Variants in PSG3 observed in about 807,000 individuals in gnomAD.
PSG3 encodes the protein pregnancy specific beta-1-glycoprotein 3.
PSG3 carries 61 observed loss-of-function variants against 47.5 expected under a neutral mutation model. The observed-to-expected ratio is 1.28, with a 90% CI of 1.05 to 1.59. The LOEUF is 1.59. Among genes scored for constraint, PSG3 ranks in the 40% most tolerant of loss-of-function variants. The pLI is 0.00. For synonymous variants in PSG3, 263 were observed against 198.4 expected (o/e 1.33, Z -2.74); for missense variants, 756 against 524.0 (o/e 1.44, Z -4.32).
Position 42,722,750 on chromosome 19 carries a change from T to C in PSG3, c.*41-660A>G, listed in dbSNP as rs192433776. ...CATAAATAGGGCCAAAAAAGTATAG[T>C]CTTATGTATGTTGAAAAAGGTCCTT... is the stretch of plus-strand genomic sequence containing the variant. On this transcript the variant is annotated intron_variant, in intron 6 of 6. Coordinates refer to ENST00000327495, the MANE Select transcript of PSG3 (RefSeq NM_021016.4). Among the ~76,000 whole-genome samples, 37 of 152,314 alleles carry C rather than the reference T, an allele frequency of 2.4e-4. 1 individual carries two copies. The highest frequency in any genetic ancestry group is 8.4e-4 in the African/African-American group (35 of 41,570).
intron 1 of PSG3, chr19:42,739,451 T>C (rs929793539): frequency 6.9e-5 from 17 of 244,612 alleles, no homozygotes; most frequent in Non-Finnish European, 1.3e-4. Context: ...AGACCCTGGG[T>C]CTTCCCTTTC....
Position 42,739,014 on chromosome 19 carries a change from T to G in PSG3, c.140A>C (p.Lys47Thr). ...GACAAGTAGAAGAACGTCCTTCCCCTTGGAAACTTTGGTTGGCTCGGCTTC... is the reference window on the plus strand; with the variant it reads ...GACAAGTAGAAGAACGTCCTTCCCCGTGGAAACTTTGGTTGGCTCGGCTTC... ...TIEAEPTKVSKGKDVLLLVHN... is the reference protein window; with the variant it reads ...TIEAEPTKVSTGKDVLLLVHN... Residue 47 changes from lysine to threonine, a missense_variant, in exon 2 of 7, where the codon AAG becomes ACG. Physicochemically the swap from Lys to Thr is moderately conservative, Grantham distance 78. Transcript: ENST00000327495. 2 of 1,613,976 alleles carry G rather than the reference T, an allele frequency of 1.2e-6. No individual in the cohort carries two copies. Among genetic ancestry groups the G allele is most frequent in the Non-Finnish European group, 1.7e-6 (2 of 1,179,912 alleles).
chr19:42,731,825 T>C (rs1178676401), intron 3 of PSG3: 1 of 151,448 alleles, frequency 6.6e-6, no homozygotes, highest in Non-Finnish European at 1.5e-5. Context: ...GTTTTCAGGG[T>C]ATAATCATTT....
At chr19:42,730,191 C>T (rs1240190948) in intron 3 of PSG3, 135 bp from the exon 4 acceptor site, 1 of 1,476,510 alleles carries the variant, frequency 6.8e-7, no homozygotes, top group Non-Finnish European at 9.1e-7. Flanking sequence ...GTGCGTGTGT[C>T]ACAAGACAGA....
At position 42,732,594 on chromosome 19, in the gene PSG3, C is replaced by T. The variant is rs1037011884; in HGVS notation, c.709+190G>A. The T allele has an allele frequency of 3.0e-6, 4 of 1,346,304 alleles. No homozygotes were observed. In the African/African-American group the frequency reaches 4.4e-5, roughly 15 times the overall value. The allele number at this position is 1,346,304 out of a possible 1,614,324, so 83.4% of individuals were successfully genotyped here. On this transcript the variant is annotated intron_variant, in intron 3 of 6. Transcript: ENST00000327495. ...GCTGAGTCTCCCATGACAGGAGCAG[C>T]CTCTTTTCTCCTATTGTTGATCAAG...
chr19:42,730,901 G>A (rs1969462486), intron 3 of PSG3, among the ~76,000 whole-genome samples: 1 of 152,212 alleles, frequency 6.6e-6, no homozygotes, highest in South Asian at 2.1e-4. Context: ...TGGAAAGGGT[G>A]GGAATGAACT....
At chr19:42,722,770 G>A (rs773602347) in intron 6 of PSG3, among the ~76,000 whole-genome samples, 39 of 152,072 alleles carry the variant, frequency 2.6e-4, no homozygotes, top group Non-Finnish European at 4.6e-4. Context: ...GTTGAAAAAG[G>A]TCCTTAGGTA....
In PSG3 at chr19:42,731,226, A is replaced by G. The variant is rs547675992; in HGVS notation, c.710-1170T>C. On this transcript the variant is annotated intron_variant, in intron 3 of 6. Coordinates refer to ENST00000327495, the MANE Select transcript of PSG3 (RefSeq NM_021016.4). ...CACACAGATTGAGTATTTCTTATGC[A>G]TAAGACTTAGGACAAAAAGTGTTTT... 9.8e-5 allele frequency among the ~76,000 whole-genome samples: 15 copies of G among 152,352 alleles called. No homozygotes were observed. The East Asian group carries it at 2.7e-3, about 27-fold the overall frequency.
In PSG3 at chr19:42,738,717, C is replaced by T; in HGVS notation, c.430+7G>A. The T allele has an allele frequency of 1.2e-6, 2 of 1,613,382 alleles. No individual in the cohort carries two copies. The highest frequency in any genetic ancestry group is 1.7e-6 in the Non-Finnish European group (2 of 1,179,600). On this transcript the variant is annotated splice_region_variant and intron_variant, in intron 2 of 6. Transcript: ENST00000327495. The stretch of plus-strand genomic sequence containing the variant: ...CCAACACCCAGTGATCACGTGGAGT[C>T]ACTCACGGTATAAGGTGAAGGTGAA...
chr19:42,724,820 T>G (rs576073607), intron 5 of PSG3, among the ~76,000 whole-genome samples: 87 of 152,114 alleles, frequency 5.7e-4, no homozygotes, highest in Admixed American at 4.6e-4. Flanking sequence ...TTTCTTTCTC[T>G]CCCACAAGTA....
chr19:42,727,066 T>C (rs1249050899), intron 5 of PSG3, among the ~76,000 whole-genome samples: 1 of 152,214 alleles, frequency 6.6e-6, no homozygotes, highest in East Asian at 1.9e-4. Context: ...TTGGGAAAGG[T>C]GGATATCCAA....
At chr19:42,727,640 A>G (rs751899644) in intron 5 of PSG3, among the ~76,000 whole-genome samples, 15 of 152,324 alleles carry the variant, frequency 9.8e-5, no homozygotes, top group Non-Finnish European at 1.5e-4. Context: ...TTTCAAGTAG[A>G]TGGAAAAATT....
chr19:42,738,931 G>T lies in PSG3; in HGVS notation c.223C>A (p.Leu75Ile). Residue 75 changes from leucine to isoleucine, a missense_variant, in exon 2 of 7, where the codon CTC (leucine) becomes ATC (isoleucine). Leu to Ile is a conservative substitution (Grantham distance 5). Coordinates refer to ENST00000327495, the MANE Select transcript of PSG3 (RefSeq NM_021016.4). ...ACGTATGATGTAATGTAATGGTAGA[G>T]GTCCTTCATTTGCCCTTTGTACCAG... ...YIWYKGQMKD[L>I]YHYITSYVVD... The T allele has an allele frequency of 6.2e-7, 1 of 1,614,016 alleles. No individual in the cohort carries two copies. Among genetic ancestry groups the T allele is most frequent in the East Asian group, 2.2e-5 (1 of 44,870 alleles).
chr19:42,730,940 T>C (rs964954605), intron 3 of PSG3, among the ~76,000 whole-genome samples: 2 of 152,230 alleles, frequency 1.3e-5, no homozygotes, highest in Admixed American at 1.3e-4. Flanking sequence ...ATGGACCATA[T>C]GTGTTTGATG....
chr19:42,734,056 G>A (rs1969521039), intron 2 of PSG3: 1 of 152,182 alleles, frequency 6.6e-6, no homozygotes, highest in Admixed American at 6.5e-5. Context: ...CCTGATATCA[G>A]TGGATTCCAG....
intron 5 of PSG3, among the ~76,000 whole-genome samples, chr19:42,725,932 T>G (rs148692688): frequency 0.014 from 1,956 of 141,426 alleles, 51 homozygotes; most frequent in African/African-American, 0.056. Flanking sequence ...ATGAAGCGAT[T>G]ACTACCAATT....
At chr19:42,733,234 T>A (rs1226536173) in intron 2 of PSG3, among the ~76,000 whole-genome samples, 172 bp from the exon 3 acceptor site, 2 of 152,052 alleles carry the variant, frequency 1.3e-5, no homozygotes, top group Non-Finnish European at 2.9e-5. Context: ...GGCTCAGAGA[T>A]TGTGAGGCTG....
intron 1 of PSG3, 160 bp from the exon 2 acceptor site, chr19:42,739,249 A>G: frequency 8.0e-7 from 1 of 1,249,210 alleles, no homozygotes; most frequent in African/African-American, 1.5e-5. Flanking sequence ...GCATGTGTAT[A>G]TGTGTTTGTG....
intron 3 of PSG3, chr19:42,731,763 T>C (rs1469373696): frequency 6.6e-6 from 1 of 151,664 alleles, no homozygotes; most frequent in Non-Finnish European, 1.5e-5. Flanking sequence ...GAAAATGAAA[T>C]GTGTTTCCAT....
Sources: allele counts gnomAD v4.1 joint callset (sites outside exome capture counted in the v4.1 genomes callset), GRCh38; gene constraint gnomAD v4.1.1; transcripts MANE v1.5; gene names NCBI Gene and HGNC (gene_info 2026-07-23, HGNC 2026-07-21).